GMDS: variants seen among roughly 807,000 people sequenced by gnomAD.
The protein encoded by GMDS is GDP-mannose 4,6 dehydratase.
GMDS carries 20 observed loss-of-function variants against 49.9 expected under a neutral mutation model. The ratio of observed to expected loss-of-function variants is 0.40; its 90% CI spans 0.28 to 0.58. The LOEUF is 0.58. GMDS is among the 20% of genes least tolerant of loss of function. The probability of loss-of-function intolerance (pLI) is 0.42; values close to 1 mark genes in which losing one functional copy is unlikely to be tolerated. For synonymous variants in GMDS, 177 were observed against 178.6 expected (o/e 0.99, Z 0.07); for missense variants, 362 against 481.4 (o/e 0.75, Z 2.32).
chr6:1,923,820 C>A (rs1761851104), intron 7 of GMDS, among the ~76,000 whole-genome samples: 1 of 152,172 alleles, frequency 6.6e-6, no homozygotes, highest in Admixed American at 6.5e-5. Flanking sequence ...ATTTGTGTAA[C>A]ATAGGATACA....
chr6:1,812,771 T>C (rs1318847583), intron 7 of GMDS, among the ~76,000 whole-genome samples: 2 of 152,242 alleles, frequency 1.3e-5, no homozygotes, highest in African/African-American at 4.8e-5. Context: ...AGGAGGTAGA[T>C]GGTTTTTTCA....
intron 6 of GMDS, among the ~76,000 whole-genome samples, chr6:1,954,097 C>G (rs1208604935): frequency 6.6e-6 from 1 of 152,068 alleles, no homozygotes; most frequent in East Asian, 1.9e-4. Flanking sequence ...AAAAAGAATA[C>G]TGTATGTATG....
Position 2,243,840 on chromosome 6 carries a change from CTTCT to C in GMDS, c.102+1477_102+1480del, listed in dbSNP as rs1167843247. ...TGCATCTGGCCAATTTCAACTTCTC[CTTCT>C]TTTTTTTTTTTTTTTTTTTTTTTTT... On this transcript the variant is annotated intron_variant, in intron 1 of 10. Coordinates refer to ENST00000380815, the MANE Select transcript of GMDS (RefSeq NM_001500.4). Among the ~76,000 whole-genome samples the C allele has an allele frequency of 5.6e-4, 71 of 127,144 alleles. 2 individuals carry two copies. Among genetic ancestry groups the C allele is most frequent in the African/African-American group, 2.3e-3 (67 of 29,212 alleles). The allele number at this position is 127,144 out of a possible 152,430, so 83.4% of individuals were successfully genotyped here. A position where few individuals can be genotyped will look rare whatever the true frequency, so the allele number is the denominator to read the frequency against.
intron 7 of GMDS, among the ~76,000 whole-genome samples, chr6:1,915,896 G>T (rs1024283920): frequency 2.6e-5 from 4 of 152,196 alleles, no homozygotes; most frequent in South Asian, 4.1e-4. Context: ...TTAATTCATG[G>T]TTTCAGGCTC....
At chr6:2,135,784 AT>A (rs1461930356) in intron 1 of GMDS, among the ~76,000 whole-genome samples, 2 of 152,230 alleles carry the variant, frequency 1.3e-5, no homozygotes, top group African/African-American at 2.4e-5. Flanking sequence ...ATAAAGATGA[AT>A]TTTATTTAAC....
chr6:1,926,954 C>A (rs914196838), intron 7 of GMDS, among the ~76,000 whole-genome samples: 12 of 152,186 alleles, frequency 7.9e-5, no homozygotes, highest in African/African-American at 2.9e-4. Context: ...TCCATGGAAT[C>A]TGACCATTTC....
At chr6:2,094,278 T>C (rs927315366) in intron 4 of GMDS, among the ~76,000 whole-genome samples, 1 of 152,232 alleles carries the variant, frequency 6.6e-6, no homozygotes, top group Non-Finnish European at 1.5e-5. Context: ...TTTGTTTAAT[T>C]TGTATAGACT....
chr6:1,996,567 G>A (rs1432873082), intron 4 of GMDS, among the ~76,000 whole-genome samples: 3 of 152,164 alleles, frequency 2.0e-5, no homozygotes, highest in Non-Finnish European at 2.9e-5. Context: ...TACTAGGGAC[G>A]TTATTTTTTT....
rs570343930 is a variant in GMDS at position 1,655,661 on chromosome 6, G to A, written c.988-31121C>T. On this transcript the variant is annotated intron_variant, in intron 9 of 10. Coordinates refer to ENST00000380815, the MANE Select transcript of GMDS (RefSeq NM_001500.4). ...TGGGATTACAGGCGCCAGCCACCAC[G>A]CCTTGCTAATCTTTTGTACTTTCAG... Among the ~76,000 whole-genome samples, 6 of 152,146 alleles carry A rather than the reference G, an allele frequency of 3.9e-5. No homozygotes were observed. The East Asian group carries it at 5.8e-4, about 15-fold the overall frequency.
At chr6:1,825,477 C>T (rs921034166) in intron 7 of GMDS, among the ~76,000 whole-genome samples, 2 of 152,154 alleles carry the variant, frequency 1.3e-5, no homozygotes, top group East Asian at 1.9e-4. Context: ...CATCATTTAA[C>T]GACAGAAACA....
intron 1 of GMDS, among the ~76,000 whole-genome samples, chr6:2,180,716 A>G (rs928836239): frequency 1.9e-4 from 29 of 152,330 alleles, no homozygotes; most frequent in Middle Eastern, 3.4e-3. Context: ...AAATCCTCCC[A>G]TTAATTCCAA....
At chr6:1,908,367 C>T (rs1760883934) in intron 7 of GMDS, among the ~76,000 whole-genome samples, 1 of 152,140 alleles carries the variant, frequency 6.6e-6, no homozygotes, top group African/African-American at 2.4e-5. Context: ...GGCTACCGTA[C>T]CATTCTTTGT....
At chr6:1,935,430 A>C (rs1384579331) in intron 6 of GMDS, among the ~76,000 whole-genome samples, 2 of 152,252 alleles carry the variant, frequency 1.3e-5, no homozygotes, top group Non-Finnish European at 2.9e-5. Context: ...GTAAGTACTC[A>C]GTAACTGTTA....
At chr6:1,823,219 C>T (rs963599840) in intron 7 of GMDS, among the ~76,000 whole-genome samples, 1 of 152,102 alleles carries the variant, frequency 6.6e-6, no homozygotes, top group Non-Finnish European at 1.5e-5. Context: ...CCAAACACAG[C>T]ATGGTAGTTA....
chr6:2,005,380 C>T (rs1370174504), intron 4 of GMDS, among the ~76,000 whole-genome samples: 2 of 152,124 alleles, frequency 1.3e-5, no homozygotes, highest in African/African-American at 2.4e-5. Flanking sequence ...GAAACAATTG[C>T]CGCTTTATGA....
chr6:1,990,979 ATGT>A (rs1765901200), intron 4 of GMDS, among the ~76,000 whole-genome samples: 1 of 152,070 alleles, frequency 6.6e-6, no homozygotes, highest in African/African-American at 2.4e-5. Flanking sequence ...ATTAGTAAGG[ATGT>A]TGTAATATTA....
chr6:1,849,769 G>C (rs1757573461), intron 7 of GMDS, among the ~76,000 whole-genome samples: 1 of 152,148 alleles, frequency 6.6e-6, no homozygotes, highest in Admixed American at 6.5e-5. Flanking sequence ...AGACTCGACA[G>C]AACAGACCGA....
intron 9 of GMDS, among the ~76,000 whole-genome samples, chr6:1,697,606 T>C (rs1398978618): frequency 1.3e-5 from 2 of 152,216 alleles, no homozygotes; most frequent in East Asian, 3.8e-4. Context: ...GCCAGCAGCA[T>C]CAGCGTCACA....
At chr6:2,126,708 C>T (rs1286363538) in intron 1 of GMDS, among the ~76,000 whole-genome samples, 1 of 152,096 alleles carries the variant, frequency 6.6e-6, no homozygotes, top group Non-Finnish European at 1.5e-5. Context: ...TATCGTGGCT[C>T]ACTGCAACCT....
Sources: allele counts gnomAD v4.1 joint callset (sites outside exome capture counted in the v4.1 genomes callset), GRCh38; gene constraint gnomAD v4.1.1; transcripts MANE v1.5; gene names NCBI Gene and HGNC (gene_info 2026-07-23, HGNC 2026-07-21).